The following TBC1D31 variants were observed in gnomAD, a reference collection of about 807,000 sequenced individuals.
TBC1D31 encodes WD repeat domain 67.
TBC1D31 carries 99 observed loss-of-function variants against 132.9 expected under a neutral mutation model. That is an observed-to-expected ratio of 0.74 (90% confidence interval 0.63 to 0.88). The LOEUF (loss-of-function observed/expected upper bound fraction) is 0.88. Among genes scored for constraint, TBC1D31 ranks in the 40% least tolerant of loss-of-function variants. The probability of loss-of-function intolerance (pLI) is 0.00; values close to 1 mark genes in which losing one functional copy is unlikely to be tolerated. For missense variants in TBC1D31, 1,134 were observed against 1,256.6 expected (o/e 0.90, Z 1.48); for synonymous variants, 385 against 419.4 (o/e 0.92, Z 1.00).
At chr8:123,152,827 C>T (rs1488489532), downstream of TBC1D31, among the ~76,000 whole-genome samples, 18 of 152,072 alleles carry the variant, frequency 1.2e-4, no homozygotes, top group Admixed American at 5.2e-4. Flanking sequence ...GCCGAGATCA[C>T]GCCACCGCAC....
chr8:123,129,317 A>G (rs1422989144), intron 15 of TBC1D31, 99 bp downstream of exon 15: 2 of 741,558 alleles, frequency 2.7e-6, no homozygotes, highest in Non-Finnish European at 4.0e-6. Flanking sequence ...CATTATATAT[A>G]GGATTACCCA....
intron 1 of TBC1D31, among the ~76,000 whole-genome samples, chr8:123,076,338 A>ATGTGTGTGTGTGTGTG (rs71310650): frequency 5.4e-5 from 8 of 149,338 alleles, no homozygotes; most frequent in African/African-American, 2.0e-4. Context: ...AATTGTGTGT[A>ATGTGTGTGTGTGTGTG]TGTGTGTGTG....
downstream of TBC1D31, among the ~76,000 whole-genome samples, chr8:123,155,895 T>A (rs1041744938): frequency 6.6e-5 from 10 of 152,190 alleles, no homozygotes; most frequent in Non-Finnish European, 1.3e-4. The surrounding 1 kb of genome is among the most constrained non-coding windows in gnomAD (Gnocchi z 4.1). Context: ...CTAATGGTGG[T>A]CAGTTGATCA....
At position 123,128,528 on chromosome 8, in the gene TBC1D31, GT is replaced by G. The variant is rs767409037; in HGVS notation, c.2117+20del. The G allele has an allele frequency of 6.6e-7, 1 of 1,526,360 alleles. No individual in the cohort carries two copies. Among genetic ancestry groups the G allele is most frequent in the Non-Finnish European group, 9.0e-7 (1 of 1,105,012 alleles). 94.6% of individuals were successfully genotyped at this position (1,526,360 alleles called of 1,614,324 possible). A position where few individuals can be genotyped will look rare whatever the true frequency, so the allele number is the denominator to read the frequency against. On this transcript the variant is annotated intron_variant, in intron 14 of 21. Coordinates refer to ENST00000287380, the MANE Select transcript of TBC1D31 (RefSeq NM_145647.4). The stretch of plus-strand genomic sequence containing the variant: ...TTAAGAGAGAGGTAATTATGGAATA[GT>G]TTTTCTTTTTCTGATACAATGAAAT...
At chr8:123,108,228 T>C (rs1456060773) in intron 8 of TBC1D31, among the ~76,000 whole-genome samples, 1 of 152,232 alleles carries the variant, frequency 6.6e-6, no homozygotes, top group East Asian at 1.9e-4. Context: ...CAAACTTCTC[T>C]GATTTTCCCA....
At chr8:123,156,520 G>A (rs556483437), downstream of TBC1D31, among the ~76,000 whole-genome samples, 2 of 152,150 alleles carry the variant, frequency 1.3e-5, no homozygotes, top group East Asian at 3.9e-4. Context: ...ATGAAGGGCT[G>A]GTTATAGCTA....
intron 17 of TBC1D31, 68 bp from the exon 18 acceptor site, chr8:123,140,692 GA>G: frequency 1.5e-6 from 2 of 1,338,576 alleles, no homozygotes; most frequent in Non-Finnish European, 2.1e-6. Flanking sequence ...TTACTATTCT[GA>G]AAAAAGTCAT....
At position 123,075,572 on chromosome 8, in the gene TBC1D31, G is replaced by A. The variant is rs182535237; in HGVS notation, c.78-1539G>A. ...CAAAAAATTAGCTGGGCATGGTAGC[G>A]TGCACCTGTAATCCCAGCTACTCAG... On this transcript the variant is annotated intron_variant, in intron 1 of 21. Coordinates refer to ENST00000287380, the MANE Select transcript of TBC1D31 (RefSeq NM_145647.4). 3.5e-3 allele frequency among the ~76,000 whole-genome samples: 532 copies of A among 152,000 alleles called. 3 individuals carry two copies. The highest frequency in any genetic ancestry group is 0.012 in the African/African-American group (513 of 41,458).
chr8:123,153,298 G>A (rs147182088), downstream of TBC1D31, among the ~76,000 whole-genome samples: 1,427 of 152,200 alleles, frequency 9.4e-3, 23 homozygotes, highest in African/African-American at 0.031. Context: ...GCTGTCTATT[G>A]CAGTTTTTTA....
intron 4 of TBC1D31, among the ~76,000 whole-genome samples, chr8:123,085,681 T>C (rs1050516181): frequency 2.6e-5 from 4 of 152,224 alleles, no homozygotes; most frequent in African/African-American, 9.6e-5. Flanking sequence ...AGTGCTGGGA[T>C]TACAGGCGTG....
intron 1 of TBC1D31, among the ~76,000 whole-genome samples, chr8:123,076,836 A>G (rs1814572253): frequency 6.6e-6 from 1 of 152,196 alleles, no homozygotes; most frequent in Non-Finnish European, 1.5e-5. Flanking sequence ...AGCAGGGACC[A>G]TATCAATTAT....
chr8:123,091,025 G>T (rs1005288743), intron 4 of TBC1D31, among the ~76,000 whole-genome samples: 5 of 151,964 alleles, frequency 3.3e-5, no homozygotes, highest in African/African-American at 4.8e-5. Context: ...TCCTAAAACT[G>T]AATTGGAAAG....
chr8:123,101,674 C>G (rs1032363288), intron 7 of TBC1D31, among the ~76,000 whole-genome samples: 1 of 152,144 alleles, frequency 6.6e-6, no homozygotes. Flanking sequence ...TGGCTTCCCA[C>G]AGTGCTGGGA....
intron 14 of TBC1D31, among the ~76,000 whole-genome samples, chr8:123,128,784 G>A (rs1413317098): frequency 6.6e-6 from 1 of 151,944 alleles, no homozygotes; most frequent in East Asian, 1.9e-4. Flanking sequence ...GCTGAGGCAG[G>A]AGAATCACTT....
In TBC1D31 at chr8:123,120,198, T is replaced by C. The variant is rs781338207; in HGVS notation, c.1570+10T>C. 12 of 1,589,264 alleles carry C rather than the reference T, an allele frequency of 7.6e-6. No individual in the cohort carries two copies. Among genetic ancestry groups the C allele is most frequent in the African/African-American group, 2.7e-5 (2 of 74,090 alleles). ...ATTGCTACTCTCATAAGTAAGTAAA[T>C]ACTTGTTAAAGTATAAGATCAAGAA... On this transcript the variant is annotated intron_variant, in intron 11 of 21. Coordinates refer to ENST00000287380, the MANE Select transcript of TBC1D31 (RefSeq NM_145647.4).
chr8:123,135,701 A>G (rs1342929271), intron 17 of TBC1D31, among the ~76,000 whole-genome samples: 1 of 152,236 alleles, frequency 6.6e-6, no homozygotes, highest in Non-Finnish European at 1.5e-5. Flanking sequence ...ACCATATAGC[A>G]TCCATTTACA....
At position 123,084,166 on chromosome 8, in the gene TBC1D31, C is replaced by A; in HGVS notation, c.345C>A (p.Thr115=). The part of the protein sequence containing the change: ...DYSIKCFDTV[T]KELVSWMRGH... ...CAATTTTACTTTTTACCACAGTCAC[C>A]AAGGAGCTAGTTAGCTGGATGAGAG... The change falls in exon 4 of 22, where the codon ACC becomes ACA. Residue 115 remains threonine, a synonymous_variant. Coordinates refer to ENST00000287380, the MANE Select transcript of TBC1D31 (RefSeq NM_145647.4). The A allele has an allele frequency of 6.2e-7, 1 of 1,613,684 alleles. No homozygotes were observed. The highest frequency in any genetic ancestry group is 8.5e-7 in the Non-Finnish European group (1 of 1,179,874).
At chr8:123,073,980 C>T (rs567379735) in intron 1 of TBC1D31, among the ~76,000 whole-genome samples, 10 of 152,130 alleles carry the variant, frequency 6.6e-5, no homozygotes, top group Admixed American at 1.3e-4. Context: ...GCCACCGCGC[C>T]CGGCCTCTAG....
chr8:123,107,928 C>T (rs139434972), intron 8 of TBC1D31, among the ~76,000 whole-genome samples: 235 of 152,312 alleles, frequency 1.5e-3, no homozygotes, highest in African/African-American at 4.7e-3. Context: ...GCCAAACTCC[C>T]CAGGGCATCT....
Sources: gnomAD v4.1 joint callset for allele counts (sites outside exome capture counted in the v4.1 genomes callset) on GRCh38, gnomAD v4.1.1 for gene constraint, Gnocchi (gnomAD v3.1) non-coding constraint, MANE v1.5 for transcripts, NCBI Gene and HGNC (gene_info 2026-07-23, HGNC 2026-07-21) for gene names.